RNF157: variants seen among roughly 807,000 people sequenced by gnomAD.
RNF157 encodes the protein ring finger protein 157.
RNF157 carries 55 observed loss-of-function variants against 88.3 expected under a neutral mutation model. The ratio of observed to expected loss-of-function variants is 0.62; its 90% CI spans 0.50 to 0.78. RNF157 has a LOEUF of 0.78. Ranked by LOEUF, RNF157 falls within the 30% of genes least tolerant of loss-of-function variation. RNF157 has a pLI of 0.00. For missense variants in RNF157, 788 were observed against 860.8 expected, an observed-to-expected ratio of 0.92 and a Z score of 1.06; for synonymous variants, 334 against 341.2, an observed-to-expected ratio of 0.98 and a Z score of 0.23.
In RNF157 at chr17:76,206,344, A is replaced by AAT. The variant is rs1399044666; in HGVS notation, c.207+6019_207+6020insAT. Among the ~76,000 whole-genome samples the AAT allele has an allele frequency of 2.0e-5, 3 of 152,308 alleles. No homozygotes were observed. In the South Asian group the frequency reaches 6.2e-4, roughly 32 times the overall value. ...CCAACAAAACAAGATCTAACTCAAT[A>AAT]AAGGAGCAGAAAAGCAACACCAGCT... On this transcript the variant is annotated intron_variant, in intron 2 of 18. Coordinates refer to ENST00000269391, the MANE Select transcript of RNF157 (RefSeq NM_052916.3).
intron 4 of RNF157, among the ~76,000 whole-genome samples, chr17:76,167,397 C>T (rs2278825): frequency 0.19 from 28,481 of 152,096 alleles, 2,689 homozygotes; most frequent in Middle Eastern, 0.25. Context: ...ACCAAGATGG[C>T]ACAATTTGAA....
At chr17:76,162,723 C>T in intron 8 of RNF157, 100 bp from the exon 9 acceptor site, 1 of 705,134 alleles carries the variant, frequency 1.4e-6, no homozygotes, top group Non-Finnish European at 2.3e-6. Flanking sequence ...CCAAGGACTA[C>T]CGATTCATAA....
rs753621392 is a variant in RNF157, at chr17:76,145,276, A to G, written c.1999T>C (p.Ser667Pro). 5.0e-6 allele frequency: 8 copies of G among 1,609,390 alleles called. No homozygotes were observed. The Admixed American group carries it at 1.4e-4, about 27-fold the overall frequency. The stretch of plus-strand genomic sequence containing the variant: ...CCCCACACACAGGGCCTCGTCTCAG[A>G]GTCCTCCAGGCTGCTGGATGACAAG... ...RRLSSSSLED[S>P]ETRPCVWGPL... The change falls in exon 19 of 19, where the codon TCT becomes CCT. Residue 667 changes from serine to proline, a missense_variant. Ser to Pro is a moderately conservative substitution (Grantham distance 74, BLOSUM62 -1). Coordinates refer to ENST00000269391, the MANE Select transcript of RNF157 (RefSeq NM_052916.3).
intron 18 of RNF157, among the ~76,000 whole-genome samples, chr17:76,149,517 C>T (rs1034586829): frequency 4.6e-5 from 7 of 152,172 alleles, no homozygotes; most frequent in East Asian, 3.9e-4. Context: ...AGTGTGAAGA[C>T]GCCTATTTAT....
At chr17:76,168,484 A>C (rs746216343) in intron 3 of RNF157, among the ~76,000 whole-genome samples, 2 of 150,994 alleles carry the variant, frequency 1.3e-5, no homozygotes, top group East Asian at 1.9e-4. Context: ...ACAAATTCCA[A>C]CCCAAGCTCT....
intron 2 of RNF157, among the ~76,000 whole-genome samples, chr17:76,187,131 G>T (rs2069305173): frequency 6.6e-6 from 1 of 151,882 alleles, no homozygotes; most frequent in African/African-American, 2.4e-5. Context: ...ATACAGCCCT[G>T]GGAAGAAAGT....
In RNF157 at chr17:76,146,266, C is replaced by T. The variant is rs1437685338; in HGVS notation, c.1922-913G>A. 2.4e-6 allele frequency: 2 copies of T among 841,228 alleles called. No homozygotes were observed. Among genetic ancestry groups the T allele is most frequent in the African/African-American group, 3.7e-5 (2 of 54,326 alleles). The allele number at this position is 841,228 out of a possible 1,614,324, so 52.1% of individuals were successfully genotyped here. A position where few individuals can be genotyped will look rare whatever the true frequency, so the allele number is the denominator to read the frequency against. ...TTTACTGTGGGCCTTGGTTTTCTCA[C>T]CCATCAGATGGGACATGCGTACTGA... On this transcript the variant is annotated intron_variant, in intron 18 of 18. Transcript: ENST00000269391. The surrounding 1 kb of genome is among the most constrained non-coding windows in gnomAD (Gnocchi z 4.2).
At chr17:76,205,298 C>T (rs2069661967) in intron 2 of RNF157, among the ~76,000 whole-genome samples, 1 of 151,736 alleles carries the variant, frequency 6.6e-6, no homozygotes, top group African/African-American at 2.4e-5. Context: ...ACCACCACCC[C>T]TGGCTAATTT....
Position 76,152,421 on chromosome 17 carries a change from T to C in RNF157, c.1855A>G (p.Asn619Asp). The change falls in exon 18 of 19, where the codon AAT becomes GAT. Residue 619 changes from asparagine to aspartate, a missense_variant. Physicochemically the swap from Asn to Asp is conservative, Grantham distance 23 (BLOSUM62 1). Transcript: ENST00000269391. ...TTCACGCTTGCGATGTCAAAGTCAT[T>C]GTTATTGTCACACTCCATACCTAGA... is the stretch of plus-strand genomic sequence containing the variant. Reference protein sequence around the residue: ...AFLGMECDNNNDFDIASVKAL... With the variant: ...AFLGMECDNNDDFDIASVKAL... 1.2e-6 allele frequency: 2 copies of C among 1,614,030 alleles called. No homozygotes were observed. The highest frequency in any genetic ancestry group is 1.7e-5 in the Admixed American group (1 of 60,024).
chr17:76,210,854 G>C (rs1598433146), intron 2 of RNF157, among the ~76,000 whole-genome samples: 3 of 151,994 alleles, frequency 2.0e-5, no homozygotes, highest in Admixed American at 6.6e-5. Context: ...CCCTAGGCTG[G>C]AGCGCACTGG....
At chr17:76,155,528 G>C (rs756746320) in intron 15 of RNF157, 34 bp downstream of exon 15, 15 of 1,602,564 alleles carry the variant, frequency 9.4e-6, no homozygotes, top group Non-Finnish European at 1.3e-5. Flanking sequence ...ACAAAGAACA[G>C]AGAAGCCAGG....
chr17:76,229,944 G>A (rs370045755), intron 1 of RNF157, among the ~76,000 whole-genome samples: 1 of 152,214 alleles, frequency 6.6e-6, no homozygotes, highest in East Asian at 1.9e-4. Flanking sequence ...TTAAAGTACT[G>A]TTTAGGGTAA....
intron 2 of RNF157, among the ~76,000 whole-genome samples, chr17:76,182,855 G>GAT (rs1297087710): frequency 1.6e-4 from 18 of 114,094 alleles, no homozygotes; most frequent in Admixed American, 2.7e-4. Context: ...GGATATATAG[G>GAT]ATATATATAT....
At chr17:76,218,699 C>A (rs1568071657) in intron 1 of RNF157, among the ~76,000 whole-genome samples, 1 of 151,886 alleles carries the variant, frequency 6.6e-6, no homozygotes, top group Non-Finnish European at 1.5e-5. Flanking sequence ...TTTGGGAGGC[C>A]AAGGTGGGCA....
intron 18 of RNF157, among the ~76,000 whole-genome samples, chr17:76,148,489 G>A (rs549523024): frequency 2.0e-5 from 3 of 151,368 alleles, no homozygotes; most frequent in Admixed American, 6.6e-5. Context: ...GGATGGTCTC[G>A]ATCTCCTGAT....
At chr17:76,158,871 G>GA (rs1393237241) in intron 12 of RNF157, among the ~76,000 whole-genome samples, 2 of 152,086 alleles carry the variant, frequency 1.3e-5, no homozygotes, top group African/African-American at 4.8e-5. Flanking sequence ...CTAAACTTGG[G>GA]AAAAACCACT....
At chr17:76,206,804 C>G (rs945015378) in intron 2 of RNF157, among the ~76,000 whole-genome samples, 2 of 152,114 alleles carry the variant, frequency 1.3e-5, no homozygotes, top group Admixed American at 6.5e-5. Flanking sequence ...CAGTGAAGAA[C>G]CCTACCTAGA....
rs779920916 is a variant in RNF157 at position 76,195,154 on chromosome 17, T to C, written c.207+17210A>G. Among the ~76,000 whole-genome samples the C allele has an allele frequency of 4.6e-5, 7 of 152,102 alleles. No homozygotes were observed. Among genetic ancestry groups the C allele is most frequent in the Non-Finnish European group, 8.8e-5 (6 of 68,024 alleles). ...GCCGAAATCCCAAATGGCAGAAACA[T>C]ATTCATGTCACAGAACTCCAGACAG... is the stretch of plus-strand genomic sequence containing the variant. On this transcript the variant is annotated intron_variant, in intron 2 of 18. Coordinates refer to ENST00000269391, the MANE Select transcript of RNF157 (RefSeq NM_052916.3). This position sits in a 1 kb window ranked among gnomAD's most constrained non-coding sequence, Gnocchi z 4.4.
intron 2 of RNF157, among the ~76,000 whole-genome samples, chr17:76,192,841 CT>C (rs34816147): frequency 0.13 from 18,004 of 134,126 alleles, 1,511 homozygotes; most frequent in African/African-American, 0.29. Flanking sequence ...ACTTTCTTTC[CT>C]TTTTTTTTTT....
Sources: allele counts gnomAD v4.1 joint callset (sites outside exome capture counted in the v4.1 genomes callset), GRCh38; gene constraint gnomAD v4.1.1; non-coding constraint Gnocchi (gnomAD v3.1); transcripts MANE v1.5; gene names NCBI Gene and HGNC (gene_info 2026-07-23, HGNC 2026-07-21).